HELZ: variants seen among roughly 807,000 people sequenced by gnomAD.
The protein encoded by HELZ is ATP-dependent RNA helicase with zinc finger domain.
Under a neutral mutation model 218.2 loss-of-function variants are expected in HELZ, and 23 were observed. That is an observed-to-expected ratio of 0.11 (90% CI 0.08 to 0.15). The LOEUF (loss-of-function observed/expected upper bound fraction) is 0.15. HELZ is among the 10% of genes least tolerant of loss of function. The pLI, the probability that HELZ is intolerant of heterozygous loss-of-function variation, is 1.00. For synonymous variants in HELZ, 814 were observed against 829.4 expected, an observed-to-expected ratio of 0.98 and a Z score of 0.32; for missense variants, 1,813 against 2,353.7, an observed-to-expected ratio of 0.77 and a Z score of 4.75.
intron 27 of HELZ, among the ~76,000 whole-genome samples, chr17:67,118,306 C>T (rs1489704362): frequency 2.6e-5 from 4 of 152,120 alleles, no homozygotes; most frequent in Non-Finnish European, 5.9e-5. Context: ...CATACATATA[C>T]AAAACTAAAA....
At chr17:67,120,937 C>A (rs902764942) in intron 26 of HELZ, among the ~76,000 whole-genome samples, 1 of 152,166 alleles carries the variant, frequency 6.6e-6, no homozygotes, top group South Asian at 2.1e-4. Flanking sequence ...GTTTCCCCTC[C>A]ATATGAATGT....
At chr17:67,081,052 T>A (rs2036173368) in intron 32 of HELZ, among the ~76,000 whole-genome samples, 1 of 152,200 alleles carries the variant, frequency 6.6e-6, no homozygotes, top group South Asian at 2.1e-4. Flanking sequence ...TGAGCAAAAG[T>A]GTGCATGCAA....
At chr17:67,104,014 G>A (rs1008764345) in intron 31 of HELZ, among the ~76,000 whole-genome samples, 3 of 152,114 alleles carry the variant, frequency 2.0e-5, no homozygotes, top group Non-Finnish European at 4.4e-5. Context: ...TTTCAAAAGC[G>A]GTGCTGAGAA....
intron 12 of HELZ, among the ~76,000 whole-genome samples, chr17:67,184,760 G>A (rs1261260984): frequency 6.6e-6 from 1 of 151,950 alleles, no homozygotes; most frequent in Non-Finnish European, 1.5e-5. Flanking sequence ...AGGCTGCAGT[G>A]AGCTATAATC....
intron 3 of HELZ, among the ~76,000 whole-genome samples, chr17:67,228,845 A>T (rs186043747): frequency 6.6e-6 from 1 of 152,100 alleles, no homozygotes; most frequent in East Asian, 1.9e-4. Flanking sequence ...GAGCCTCCCA[A>T]GTAGCTGGTA....
chr17:67,243,965 C>G, intron 1 of HELZ, 126 bp from the exon 2 acceptor site: 1 of 984,930 alleles, frequency 1.0e-6, no homozygotes, highest in Non-Finnish European at 1.2e-6. Flanking sequence ...AAAAATGGTA[C>G]AGTGTGCAGC....
chr17:67,211,504 A>G (rs2040449715), intron 5 of HELZ, among the ~76,000 whole-genome samples: 1 of 152,208 alleles, frequency 6.6e-6, no homozygotes. Context: ...AGTTTTGAGA[A>G]TATGAATGTT....
chr17:67,128,950 C>T (rs551666988), intron 23 of HELZ, 95 bp from the exon 24 acceptor site: 1 of 944,922 alleles, frequency 1.1e-6, no homozygotes, highest in African/African-American at 1.6e-5. Flanking sequence ...ATTCCACCCC[C>T]AACCTCAAAT....
chr17:67,119,870 A>G (rs936829195), intron 27 of HELZ: 6 of 377,058 alleles, frequency 1.6e-5, no homozygotes, highest in African/African-American at 2.2e-5. Context: ...GACACCAATC[A>G]TAAGTGGTAG....
At chr17:67,160,048 G>A (rs2038953082) in intron 17 of HELZ, among the ~76,000 whole-genome samples, 1 of 151,912 alleles carries the variant, frequency 6.6e-6, no homozygotes, top group South Asian at 2.1e-4. Flanking sequence ...ACTTAAAAAA[G>A]GATGTCTTTC....
chr17:67,235,310 G>C (rs1042198555), intron 3 of HELZ, among the ~76,000 whole-genome samples: 1 of 152,016 alleles, frequency 6.6e-6, no homozygotes, highest in Non-Finnish European at 1.5e-5. Context: ...TTCAAGACCA[G>C]CCTGAACAAC....
Position 67,107,536 on chromosome 17 carries a change from G to A in HELZ, c.4874C>T (p.Thr1625Ile). The A allele has an allele frequency of 2.5e-6, 4 of 1,614,194 alleles. No homozygotes were observed. The highest frequency in any genetic ancestry group is 2.2e-5 in the East Asian group (1 of 44,874). The change falls in exon 31 of 33, where the codon ACA becomes ATA. Residue 1625 changes from threonine (T) to isoleucine (I), a missense_variant. Thr to Ile is a moderately conservative substitution (Grantham distance 89). Transcript: ENST00000358691. ...GTTAGAAAAGTGGCTACTGTGGTCT[G>A]TACTGGATGGGGGAGATGGGACTGC... ...PPAVPSPPSS[T>I]DHSSHFSNFN... is the part of the protein sequence containing the mutation.
chr17:67,169,012 A>C (rs1036540075), intron 13 of HELZ, among the ~76,000 whole-genome samples: 8 of 152,106 alleles, frequency 5.3e-5, no homozygotes, highest in African/African-American at 1.9e-4. Flanking sequence ...AAATCACTTG[A>C]ACCCAGGAGG....
Position 67,136,045 on chromosome 17 carries a change from G to A in HELZ, c.3107C>T (p.Thr1036Ile). ...GFLSNYKLLN[T>I]AITRAQSLVA... The stretch of plus-strand genomic sequence containing the variant: ...CAGGGATTGTGCTCTTGTGATGGCA[G>A]TATTGAGAAGCTTGTAGTTAGATAA... Residue 1036 changes from threonine to isoleucine, a missense_variant, in exon 23 of 33, where the codon ACT becomes ATT. Around this residue, in one of 4 missense-constraint regions of HELZ, gnomAD observed 156 missense variants for 274.4 expected, o/e 0.57. Coordinates refer to ENST00000358691, the MANE Select transcript of HELZ (RefSeq NM_014877.4). The A allele has an allele frequency of 1.2e-6, 2 of 1,613,940 alleles. No homozygotes were observed. Among genetic ancestry groups the A allele is most frequent in the Non-Finnish European group, 1.7e-6 (2 of 1,179,904 alleles).
intron 27 of HELZ, among the ~76,000 whole-genome samples, chr17:67,115,380 GA>G (rs1329949426): frequency 2.0e-5 from 3 of 151,794 alleles, no homozygotes; most frequent in African/African-American, 7.2e-5. Context: ...GGGCAACACA[GA>G]AAAAAATATC....
Position 67,072,015 on chromosome 17 carries a change from A to AC in HELZ, c.*6236_*6237insG, listed in dbSNP as rs1391292447. On this transcript the variant is annotated 3_prime_UTR_variant, in exon 33 of 33. Transcript: ENST00000358691. ...CTTTGCCCTCACCACCCTCCCCCAC[A>AC]AAAAAAAAAAATAATAATAACCATA... 259 of 149,990 alleles carry AC rather than the reference A, an allele frequency of 1.7e-3. 2 individuals are homozygous for AC. Among genetic ancestry groups the AC allele is most frequent in the African/African-American group, 3.7e-3 (152 of 40,930 alleles). 9.3% of individuals were successfully genotyped at this position (149,990 alleles called of 1,614,324 possible).
chr17:67,139,684 C>G (rs1280605574), intron 21 of HELZ, among the ~76,000 whole-genome samples: 1 of 152,266 alleles, frequency 6.6e-6, no homozygotes, highest in Admixed American at 6.5e-5. Flanking sequence ...TCAACAAAAC[C>G]TGTAAAAACT....
intron 6 of HELZ, among the ~76,000 whole-genome samples, chr17:67,201,817 T>A (rs908050445): frequency 1.5e-4 from 23 of 152,300 alleles, no homozygotes; most frequent in African/African-American, 5.5e-4. Context: ...TATTATCTAC[T>A]TAGAACTAAA....
intron 13 of HELZ, among the ~76,000 whole-genome samples, chr17:67,171,400 C>A (rs1484684903): frequency 2.0e-5 from 3 of 152,170 alleles, no homozygotes; most frequent in African/African-American, 7.2e-5. Flanking sequence ...GCACTGTCAT[C>A]CACGTAGGTA....
Sources: allele counts gnomAD v4.1 joint callset (sites outside exome capture counted in the v4.1 genomes callset), GRCh38; gene constraint gnomAD v4.1.1; regional missense constraint gnomAD v4.1.1; transcripts MANE v1.5; gene names NCBI Gene and HGNC (gene_info 2026-07-23, HGNC 2026-07-21).